The following RANBP10 variants were observed in gnomAD, a reference collection of about 807,000 sequenced individuals.
The protein encoded by RANBP10 is ran-binding protein 10.
RANBP10 carries 24 observed loss-of-function variants against 72.8 expected under a neutral mutation model. The ratio of observed to expected loss-of-function variants is 0.33; its 90% CI spans 0.24 to 0.46. The LOEUF is 0.46. RANBP10 is among the 20% of genes least tolerant of loss of function. RANBP10 has a pLI of 1.00. For missense variants in RANBP10, 679 were observed against 817.5 expected (o/e 0.83, Z 2.07); for synonymous variants, 310 against 322.3 (o/e 0.96, Z 0.41).
intron 6 of RANBP10, among the ~76,000 whole-genome samples, 185 bp downstream of exon 6, chr16:67,734,673 G>C (rs963227927): frequency 6.6e-6 from 1 of 152,220 alleles, no homozygotes; most frequent in Non-Finnish European, 1.5e-5. Flanking sequence ...CGGAGAACTC[G>C]GTGGGAGCTG....
At chr16:67,772,193 A>G in intron 2 of RANBP10, 107 bp from the exon 3 acceptor site, 2 of 1,201,702 alleles carry the variant, frequency 1.7e-6, no homozygotes, top group Non-Finnish European at 2.4e-6. Flanking sequence ...GAGAAAAGCA[A>G]TGAATGTAGA....
rs1454592564 is a variant in RANBP10 at position 67,730,003 on chromosome 16, G to A, written c.933C>T (p.Ile311=). The change falls in exon 8 of 14, where the codon ATC becomes ATT. Residue 311 remains isoleucine, a synonymous_variant. Transcript: ENST00000317506. This position sits in a 1 kb window ranked among gnomAD's most constrained non-coding sequence, Gnocchi z 4.3. ...CTGGGTAGAAGCGCTGGGTGGTCTC[G>A]ATGGCCTCGCCCACACGGCCCTCCA... ...LVLEGRVGEA[I]ETTQRFYPGL... 17 of 1,613,320 alleles carry A rather than the reference G, an allele frequency of 1.1e-5. No individual in the cohort carries two copies. Among genetic ancestry groups the A allele is most frequent in the East Asian group, 2.2e-5 (1 of 44,880 alleles).
chr16:67,734,420 C>T (rs1037209315), intron 6 of RANBP10, among the ~76,000 whole-genome samples: 2 of 152,252 alleles, frequency 1.3e-5, no homozygotes, highest in African/African-American at 4.8e-5. Context: ...TTCCCTCCAC[C>T]ACCGCTATAG....
At chr16:67,775,790 TA>T (rs34379359) in intron 2 of RANBP10, among the ~76,000 whole-genome samples, 19,947 of 76,746 alleles carry the variant, frequency 0.26, 1,869 homozygotes, top group Middle Eastern at 0.38. Flanking sequence ...AGACTCCGTC[TA>T]AAAAAAAAAA....
At chr16:67,791,369 T>C (rs1323514881) in intron 2 of RANBP10, among the ~76,000 whole-genome samples, 3 of 152,200 alleles carry the variant, frequency 2.0e-5, no homozygotes, top group African/African-American at 7.2e-5. Context: ...GGCAAGCCTA[T>C]GGGCACTTTT....
intron 3 of RANBP10, among the ~76,000 whole-genome samples, chr16:67,757,420 G>A (rs961763394): frequency 1.3e-5 from 2 of 152,204 alleles, no homozygotes; most frequent in Admixed American, 1.3e-4. Flanking sequence ...CAACAGCCAT[G>A]CCCAGTGGCT....
chr16:67,788,742 T>C (rs2054967222), intron 2 of RANBP10, among the ~76,000 whole-genome samples: 1 of 151,166 alleles, frequency 6.6e-6, no homozygotes, highest in South Asian at 2.1e-4. Flanking sequence ...GGCTCACACC[T>C]ATAATTCCAG....
intron 2 of RANBP10, among the ~76,000 whole-genome samples, chr16:67,791,125 T>C (rs2055017881): frequency 6.6e-6 from 1 of 151,992 alleles, no homozygotes; most frequent in Non-Finnish European, 1.5e-5. Flanking sequence ...GCGATTCTCC[T>C]GCCTCAGCCT....
chr16:67,760,099 CAAAA>C (rs56244298), intron 3 of RANBP10, among the ~76,000 whole-genome samples: 3 of 98,932 alleles, frequency 3.0e-5, no homozygotes. Context: ...GACTCCGTCT[CAAAA>C]AAAAAAAAAA....
intron 3 of RANBP10, among the ~76,000 whole-genome samples, chr16:67,763,105 G>A (rs770200398): frequency 6.6e-6 from 1 of 152,134 alleles, no homozygotes; most frequent in Non-Finnish European, 1.5e-5. Flanking sequence ...AGAGGGCAGA[G>A]GTATAGGAAA....
intron 2 of RANBP10, among the ~76,000 whole-genome samples, chr16:67,775,689 C>T (rs764837452): frequency 3.3e-5 from 5 of 150,938 alleles, no homozygotes; most frequent in Non-Finnish European, 7.4e-5. Context: ...CCTGTAATTC[C>T]AGCTGCTTAG....
At chr16:67,770,640 G>A (rs2054591302) in intron 3 of RANBP10, among the ~76,000 whole-genome samples, 1 of 152,120 alleles carries the variant, frequency 6.6e-6, no homozygotes, top group African/African-American at 2.4e-5. Context: ...CTGATTCAAG[G>A]GACCAATGGA....
chr16:67,777,068 G>A (rs1418203926), intron 2 of RANBP10, among the ~76,000 whole-genome samples: 1 of 151,702 alleles, frequency 6.6e-6, no homozygotes, highest in Non-Finnish European at 1.5e-5. Context: ...AAATTAGCCG[G>A]GCGTGGTGGT....
intron 2 of RANBP10, among the ~76,000 whole-genome samples, chr16:67,775,050 AC>A (rs2054675529): frequency 6.6e-6 from 1 of 152,186 alleles, no homozygotes; most frequent in East Asian, 1.9e-4. Context: ...AGTGGCTCAC[AC>A]CTGTAATCCC....
intron 3 of RANBP10, among the ~76,000 whole-genome samples, chr16:67,770,592 C>T (rs1358769207): frequency 6.6e-6 from 1 of 152,168 alleles, no homozygotes; most frequent in African/African-American, 2.4e-5. Flanking sequence ...TTCCTGACCC[C>T]ATGACGTGTC....
chr16:67,772,354 GTCATGAAT>G (rs2054624648), intron 2 of RANBP10, among the ~76,000 whole-genome samples: 1 of 152,180 alleles, frequency 6.6e-6, no homozygotes, highest in Non-Finnish European at 1.5e-5. Flanking sequence ...AGAGGAAAGT[GTCATGAAT>G]TCATGGCTTC....
chr16:67,734,119 C>T (rs1440404489), intron 6 of RANBP10, among the ~76,000 whole-genome samples: 1 of 152,214 alleles, frequency 6.6e-6, no homozygotes, highest in Non-Finnish European at 1.5e-5. Flanking sequence ...AGTGTGTACC[C>T]CAACCCCACC....
intron 2 of RANBP10, among the ~76,000 whole-genome samples, chr16:67,774,362 C>T (rs541543727): frequency 6.6e-6 from 1 of 152,356 alleles, no homozygotes; most frequent in Non-Finnish European, 1.5e-5. Flanking sequence ...TGCAACAGGG[C>T]TCTGGTTCCA....
rs546905781 is a variant in RANBP10 at position 67,748,075 on chromosome 16, T to C, written c.401-3620A>G. On this transcript the variant is annotated intron_variant, in intron 3 of 13. Transcript: ENST00000317506. ...CTCCTGACCTCACGATCCACCCACC[T>C]CAGCCTCCCAAAGGGCTGGGATTAC... is the stretch of plus-strand genomic sequence containing the variant. Among the ~76,000 whole-genome samples the C allele has an allele frequency of 2.7e-3, 406 of 151,008 alleles. 3 individuals carry two copies. The highest frequency in any genetic ancestry group is 8.9e-3 in the African/African-American group (369 of 41,250).
Sources: allele counts gnomAD v4.1 joint callset (sites outside exome capture counted in the v4.1 genomes callset), GRCh38; gene constraint gnomAD v4.1.1; non-coding constraint Gnocchi (gnomAD v3.1); transcripts MANE v1.5; gene names NCBI Gene and HGNC (gene_info 2026-07-23, HGNC 2026-07-21).